Variants in FRY observed in about 807,000 individuals in gnomAD.
FRY encodes the protein FRY microtubule binding protein.
FRY carries 128 observed loss-of-function variants against 348.4 expected under a neutral mutation model. The observed-to-expected ratio is 0.37, with a 90% CI of 0.32 to 0.43. The LOEUF (loss-of-function observed/expected upper bound fraction) is 0.43. Ranked by LOEUF, FRY falls within the 20% of genes least tolerant of loss-of-function variation. FRY has a pLI of 1.00. For synonymous variants in FRY, 1,370 were observed against 1,374.7 expected (o/e 1.00, Z 0.08); for missense variants, 2,736 against 3,695.2 (o/e 0.74, Z 6.73).
chr13:32,293,706 A>G (rs1889488555), intron 59 of FRY, among the ~76,000 whole-genome samples: 1 of 152,202 alleles, frequency 6.6e-6, no homozygotes, highest in Admixed American at 6.5e-5. Flanking sequence ...TCGAGGGAAA[A>G]TATCTTTTAC....
At chr13:32,114,284 A>G (rs536873630) in intron 3 of FRY, among the ~76,000 whole-genome samples, 1 of 152,354 alleles carries the variant, frequency 6.6e-6, no homozygotes, top group East Asian at 1.9e-4. Context: ...CCCTGCTGCT[A>G]TAGCATCTTA....
chr13:32,237,685 C>A lies in FRY; in HGVS notation c.6117C>A (p.Asn2039Lys). Reference sequence around the variant, plus strand: ...CATCCCACATAAACCATCCCACCAACCTGCTGGCCACCATATTCTGGGTCA... The same window carrying A: ...CATCCCACATAAACCATCCCACCAAACTGCTGGCCACCATATTCTGGGTCA... ...TDPSHINHPT[N>K]LLATIFWVTV... is the part of the protein sequence containing the mutation. Residue 2039 changes from asparagine to lysine, a missense_variant, in exon 44 of 61, where the codon AAC (asparagine) becomes AAA (lysine). By Grantham distance (94) the Asn-to-Lys change is moderately conservative. Transcript: ENST00000542859. The surrounding 1 kb of genome is among the most constrained non-coding windows in gnomAD (Gnocchi z 6.3). The A allele has an allele frequency of 6.2e-7, 1 of 1,614,198 alleles. No individual in the cohort carries two copies. The highest frequency in any genetic ancestry group is 8.5e-7 in the Non-Finnish European group (1 of 1,180,024).
intron 21 of FRY, 103 bp from the exon 22 acceptor site, chr13:32,178,741 G>A (rs774140945): frequency 3.4e-5 from 28 of 830,966 alleles, no homozygotes; most frequent in Non-Finnish European, 5.6e-5. Context: ...TTAATCGACA[G>A]TTGTTCAACT....
chr13:32,235,932 T>A (rs1886202181), intron 42 of FRY, 146 bp from the exon 43 acceptor site: 2 of 697,884 alleles, frequency 2.9e-6, no homozygotes, highest in African/African-American at 1.8e-5. Context: ...CTGAATTTCC[T>A]AAGTGGCCCT....
intron 7 of FRY, among the ~76,000 whole-genome samples, chr13:32,129,059 C>G (rs748254095): frequency 2.3e-4 from 35 of 152,162 alleles, no homozygotes; most frequent in Non-Finnish European, 3.4e-4. Context: ...CCTGTGTCTT[C>G]ATATGGTCTT....
chr13:32,248,949 G>A (rs1886938274), intron 48 of FRY, among the ~76,000 whole-genome samples: 1 of 152,184 alleles, frequency 6.6e-6, no homozygotes, highest in Admixed American at 6.5e-5. Flanking sequence ...CCCATGAGCT[G>A]GTGTCTGCAG....
chr13:32,035,845 T>C (rs1872485963), intron 1 of FRY, among the ~76,000 whole-genome samples: 3 of 152,202 alleles, frequency 2.0e-5, no homozygotes, highest in African/African-American at 7.2e-5. Flanking sequence ...AAGGTGTTGG[T>C]GTGCATTGTG....
In FRY at chr13:32,124,621, TAGAC is replaced by T; in HGVS notation, c.578_581del (p.Asp193ValfsTer2). ...TTTCAGATTCCACTTCATCCTGTAA[TAGAC>T]AGTTTAATACATGATGTTATTAACT... On this transcript the variant is annotated frameshift_variant, in exon 6 of 61. Coordinates refer to ENST00000542859, the MANE Select transcript of FRY (RefSeq NM_023037.3). LOFTEE classifies it high-confidence loss of function. The T allele has an allele frequency of 6.3e-7, 1 of 1,592,458 alleles. No individual in the cohort carries two copies. Among genetic ancestry groups the T allele is most frequent in the East Asian group, 2.2e-5 (1 of 44,776 alleles).
intron 2 of FRY, among the ~76,000 whole-genome samples, chr13:32,089,035 A>G (rs204567): frequency 0.44 from 67,240 of 152,090 alleles, 17,892 homozygotes; most frequent in Non-Finnish European, 0.58. Flanking sequence ...CATAATACCA[A>G]GTAACAATGG....
chr13:32,072,607 C>T (rs935719807), intron 1 of FRY, among the ~76,000 whole-genome samples: 1 of 152,142 alleles, frequency 6.6e-6, no homozygotes, highest in East Asian at 1.9e-4. Context: ...CTTAAGTTCC[C>T]TCATACTTGC....
intron 3 of FRY, among the ~76,000 whole-genome samples, chr13:32,116,796 G>A (rs569130104): frequency 6.6e-6 from 1 of 151,934 alleles, no homozygotes; most frequent in Admixed American, 6.6e-5. Context: ...TGTAACAGGG[G>A]GTAAATTATT....
chr13:32,266,064 G>GAAAA (rs5802641), intron 54 of FRY, among the ~76,000 whole-genome samples: 1 of 147,322 alleles, frequency 6.8e-6, no homozygotes, highest in Non-Finnish European at 1.5e-5. Context: ...TATAGAAACA[G>GAAAA]AAAAAAAAAA....
chr13:32,278,797 A>G (rs1888671697), intron 58 of FRY, among the ~76,000 whole-genome samples: 1 of 152,216 alleles, frequency 6.6e-6, no homozygotes, highest in Non-Finnish European at 1.5e-5. Context: ...GATACTGTCT[A>G]ACTATACTAA....
In FRY at chr13:32,299,011, TGTG is replaced by T. The variant is rs1388182701; in HGVS notation, c.*3557_*3559del. ...AAAAGCTCTATAACAAAAGTTCCGT[TGTG>T]GTGGTTATACAGCATTGTGAATGTA... On this transcript the variant is annotated 3_prime_UTR_variant, in exon 61 of 61. Transcript: ENST00000542859. The T allele has an allele frequency of 1.3e-5, 2 of 152,228 alleles. No homozygotes were observed. Among genetic ancestry groups the T allele is most frequent in the African/African-American group, 2.4e-5 (1 of 41,460 alleles). The allele number at this position is 152,228 out of a possible 1,614,324, so 9.4% of individuals were successfully genotyped here. A position where few individuals can be genotyped will look rare whatever the true frequency, so the allele number is the denominator to read the frequency against.
At chr13:32,183,973 A>C (rs1374261423) in intron 24 of FRY, among the ~76,000 whole-genome samples, 1 of 151,800 alleles carries the variant, frequency 6.6e-6, no homozygotes, top group African/African-American at 2.4e-5. Context: ...TAGGTCTACA[A>C]AAATGTTTTA....
At chr13:32,258,128 T>C (rs1190337502) in intron 51 of FRY, among the ~76,000 whole-genome samples, 1 of 152,254 alleles carries the variant, frequency 6.6e-6, no homozygotes, top group African/African-American at 2.4e-5. Flanking sequence ...GAGGTATTTT[T>C]CTTGGCTGCT....
intron 55 of FRY, among the ~76,000 whole-genome samples, chr13:32,269,632 C>T (rs1294608780): frequency 6.6e-6 from 1 of 151,722 alleles, no homozygotes; most frequent in Non-Finnish European, 1.5e-5. Flanking sequence ...GCAGAGGTTG[C>T]AGTGAGCTGA....
chr13:32,130,239 C>G (rs1054173501), intron 7 of FRY, among the ~76,000 whole-genome samples: 2 of 151,936 alleles, frequency 1.3e-5, no homozygotes, highest in Non-Finnish European at 2.9e-5. Context: ...CCGGGTTTCA[C>G]CATGTTGGTC....
At chr13:32,294,604 G>A in intron 60 of FRY, 34 bp downstream of exon 60, 1 of 1,471,652 alleles carries the variant, frequency 6.8e-7, no homozygotes, top group Non-Finnish European at 9.5e-7. Context: ...GGTGGTTGCA[G>A]GAAATGCACA....
Sources: gnomAD v4.1 joint callset for allele counts (sites outside exome capture counted in the v4.1 genomes callset) on GRCh38, gnomAD v4.1.1 for gene constraint, Gnocchi (gnomAD v3.1) non-coding constraint, MANE v1.5 for transcripts, NCBI Gene and HGNC (gene_info 2026-07-23, HGNC 2026-07-21) for gene names.